The following PCDH9 variants were observed in gnomAD, a reference collection of about 807,000 sequenced individuals.
PCDH9 encodes the protein protocadherin 9.
A neutral mutation model predicts 70.6 loss-of-function variants in PCDH9; 24 were observed. The observed-to-expected ratio is 0.34, with a 90% confidence interval of 0.25 to 0.48. PCDH9 has a LOEUF of 0.48. Among genes scored for constraint, PCDH9 ranks in the 20% least tolerant of loss-of-function variants. The pLI is 0.99. For synonymous variants in PCDH9, 562 were observed against 558.5 expected (o/e 1.01, Z -0.09); for missense variants, 1,281 against 1,503.6 (o/e 0.85, Z 2.45).
intron 4 of PCDH9, among the ~76,000 whole-genome samples, chr13:66,625,903 A>T (rs2077492160): frequency 6.6e-6 from 1 of 152,008 alleles, no homozygotes; most frequent in African/African-American, 2.4e-5. Flanking sequence ...ACCTCAAATG[A>T]TCTGTCCTCC....
intron 4 of PCDH9, among the ~76,000 whole-genome samples, chr13:66,490,429 C>G (rs1426238052): frequency 6.6e-6 from 1 of 152,126 alleles, no homozygotes; most frequent in African/African-American, 2.4e-5. Context: ...TTCTAATTTG[C>G]TTTTTAAATC....
chr13:66,618,717 C>T (rs2077388073), intron 4 of PCDH9, among the ~76,000 whole-genome samples: 1 of 152,036 alleles, frequency 6.6e-6, no homozygotes. Context: ...ATCATTTTTA[C>T]CACTCTCAAA....
intron 2 of PCDH9, among the ~76,000 whole-genome samples, chr13:67,015,475 G>A (rs1424973201): frequency 6.6e-6 from 1 of 152,080 alleles, no homozygotes; most frequent in Admixed American, 6.6e-5. Context: ...CACCTAGCCA[G>A]TCGCTCAACT....
At chr13:67,006,375 G>A (rs2084355870) in intron 2 of PCDH9, among the ~76,000 whole-genome samples, 1 of 152,312 alleles carries the variant, frequency 6.6e-6, no homozygotes, top group African/African-American at 2.4e-5. Context: ...AATGGAAGAG[G>A]CTTCTGTGAT....
intron 4 of PCDH9, among the ~76,000 whole-genome samples, chr13:66,539,870 C>T (rs1261910731): frequency 1.2e-5 from 1 of 83,582 alleles, no homozygotes; most frequent in Non-Finnish European, 2.3e-5. Context: ...TCTTTTTTTC[C>T]TTTTTTTTTT....
intron 4 of PCDH9, among the ~76,000 whole-genome samples, chr13:66,533,015 C>G (rs1960535069): frequency 6.6e-6 from 1 of 152,128 alleles, no homozygotes. Context: ...ACGGTCTTAG[C>G]AACACATCTT....
intron 3 of PCDH9, chr13:66,825,312 T>G (rs1343818388): frequency 6.7e-6 from 1 of 148,200 alleles, no homozygotes. Context: ...TAATTAACAC[T>G]AATAGCATAG....
At chr13:66,725,381 C>T (rs2078993148) in intron 3 of PCDH9, among the ~76,000 whole-genome samples, 1 of 152,150 alleles carries the variant, frequency 6.6e-6, no homozygotes, top group African/African-American at 2.4e-5. Flanking sequence ...AGACCACAGC[C>T]AGAATGATCT....
intron 2 of PCDH9, among the ~76,000 whole-genome samples, chr13:66,971,163 T>G (rs2083515889): frequency 6.6e-6 from 1 of 152,058 alleles, no homozygotes. Context: ...TCTAACACTC[T>G]GTACTGTGAT....
chr13:67,142,146 G>A (rs1169411640), intron 2 of PCDH9, among the ~76,000 whole-genome samples: 1 of 152,102 alleles, frequency 6.6e-6, no homozygotes, highest in Non-Finnish European at 1.5e-5. Flanking sequence ...TTTAGATTAA[G>A]AATGTGGAAA....
intron 4 of PCDH9, among the ~76,000 whole-genome samples, chr13:66,584,774 G>A (rs546026376): frequency 6.6e-6 from 1 of 152,096 alleles, no homozygotes; most frequent in Non-Finnish European, 1.5e-5. Context: ...ATGAAATATA[G>A]TTACTGGCCT....
At chr13:66,700,146 C>T (rs183536342) in intron 3 of PCDH9, among the ~76,000 whole-genome samples, 4 of 150,902 alleles carry the variant, frequency 2.7e-5, no homozygotes, top group South Asian at 2.1e-4. Flanking sequence ...AACCCCGGCA[C>T]CTGTATTGCC....
At chr13:66,931,988 T>C (rs1043576220) in intron 2 of PCDH9, among the ~76,000 whole-genome samples, 1 of 152,098 alleles carries the variant, frequency 6.6e-6, no homozygotes, top group Non-Finnish European at 1.5e-5. Context: ...TTCCTTGTGT[T>C]TGAATAAAAC....
At chr13:66,830,364 C>T (rs538457102) in intron 3 of PCDH9, among the ~76,000 whole-genome samples, 1 of 152,248 alleles carries the variant, frequency 6.6e-6, no homozygotes, top group African/African-American at 2.4e-5. Context: ...TGCTTCATTA[C>T]TGACTGCTCC....
At chr13:67,159,210 G>T (rs1417455843) in intron 2 of PCDH9, among the ~76,000 whole-genome samples, 1 of 152,172 alleles carries the variant, frequency 6.6e-6, no homozygotes, top group Non-Finnish European at 1.5e-5. Context: ...CCTATAAGGT[G>T]ACAGCCTGGA....
At chr13:66,883,523 T>C (rs1236732429) in intron 3 of PCDH9, among the ~76,000 whole-genome samples, 7 of 152,182 alleles carry the variant, frequency 4.6e-5, no homozygotes, top group Non-Finnish European at 8.8e-5. Context: ...TCACATTGTG[T>C]TCCATGGACT....
chr13:67,192,041 G>T (rs939828380), intron 2 of PCDH9, among the ~76,000 whole-genome samples: 1 of 151,696 alleles, frequency 6.6e-6, no homozygotes, highest in South Asian at 2.1e-4. Flanking sequence ...GTAATTTGTC[G>T]ATTAGTAAAT....
chr13:66,460,982 T>A (rs1958413596), intron 4 of PCDH9, among the ~76,000 whole-genome samples: 1 of 151,704 alleles, frequency 6.6e-6, no homozygotes, highest in South Asian at 2.1e-4. Context: ...TGGCCCAGGG[T>A]TTTTCATATC....
At chr13:66,955,469 G>A (rs2083252820) in intron 2 of PCDH9, among the ~76,000 whole-genome samples, 1 of 152,224 alleles carries the variant, frequency 6.6e-6, no homozygotes, top group East Asian at 1.9e-4. Flanking sequence ...AATGTAAGGT[G>A]TCATTTTTTT....
Sources: gnomAD v4.1 joint callset for allele counts (sites outside exome capture counted in the v4.1 genomes callset) on GRCh38, gnomAD v4.1.1 for gene constraint, MANE v1.5 for transcripts, NCBI Gene and HGNC (gene_info 2026-07-23, HGNC 2026-07-21) for gene names.